Variants in CRISP2 observed in about 807,000 individuals in gnomAD.
The protein encoded by CRISP2 is cysteine-rich secretory protein 2.
CRISP2 carries 29 observed loss-of-function variants against 31.7 expected under a neutral mutation model. That is an observed-to-expected ratio of 0.92 (90% CI 0.68 to 1.25). The LOEUF is 1.25. Among genes scored for constraint, CRISP2 ranks in the 50% most tolerant of loss-of-function variants. CRISP2 has a pLI of 0.00. For missense variants in CRISP2, 318 were observed against 286.5 expected, an observed-to-expected ratio of 1.11 and a Z score of -0.79; for synonymous variants, 111 against 101.4, an observed-to-expected ratio of 1.09 and a Z score of -0.57.
At chr6:49,682,466 ATCCC>A in the CRISP2 span, among the ~76,000 whole-genome samples, 5 of 44,150 alleles carry the variant, frequency 1.1e-4, no homozygotes, top group Non-Finnish European at 2.0e-4. Context: ...CTTCTTCCCC[ATCCC>A]TCCCTCCCTC....
At position 49,713,525 on chromosome 6, in the gene CRISP2, T is replaced by C. The variant is rs903503555; in HGVS notation, c.-201A>G. Reference sequence around the variant, plus strand: ...CCTTCCTGCAGTTGGGCCGGCGCGTTGCGGCGTTGAGGAGCTGCGGCGCGC... The same window carrying C: ...CCTTCCTGCAGTTGGGCCGGCGCGTCGCGGCGTTGAGGAGCTGCGGCGCGC... On this transcript the variant is annotated 5_prime_UTR_variant, in exon 1 of 10. Transcript: ENST00000339139. 5.3e-5 allele frequency: 8 copies of C among 152,292 alleles called. No individual in the cohort carries two copies. The highest frequency in any genetic ancestry group is 3.3e-4 in the Admixed American group (5 of 15,280). The allele number at this position is 152,292 out of a possible 1,614,324, so 9.4% of individuals were successfully genotyped here.
chr6:49,710,010 C>T (rs1395975367), intron 3 of CRISP2, among the ~76,000 whole-genome samples: 2 of 152,160 alleles, frequency 1.3e-5, no homozygotes, highest in African/African-American at 2.4e-5. Flanking sequence ...AAACACTCAC[C>T]TTTCTGTCAT....
At chr6:49,689,164 C>G (rs937059695), downstream of CRISP2, among the ~76,000 whole-genome samples, 2 of 152,064 alleles carry the variant, frequency 1.3e-5, no homozygotes, top group Admixed American at 1.3e-4. Flanking sequence ...CCACTGTGCC[C>G]AGCCTGGATT....
At position 49,692,794 on chromosome 6, in the gene CRISP2, T is replaced by A. The variant is rs1471327052; in HGVS notation, c.711A>T (p.Leu237=). Residue 237 remains leucine (L), a synonymous_variant, in exon 10 of 10, where the codon CTA becomes CTT. Coordinates refer to ENST00000339139, the MANE Select transcript of CRISP2 (RefSeq NM_003296.4). Reference sequence around the variant, plus strand: ...TAAATCAGTAAATTTTGTTCTCACATAGGCAAGTAGCCTTGCACTTTTCCT... The same window carrying A: ...TAAATCAGTAAATTTTGTTCTCACAAAGGCAAGTAGCCTTGCACTTTTCCT... The part of the protein sequence containing the change: ...LLKEKCKATC[L]CENKIY The A allele has an allele frequency of 1.9e-6, 3 of 1,613,326 alleles. No homozygotes were observed. Among genetic ancestry groups the A allele is most frequent in the Non-Finnish European group, 2.5e-6 (3 of 1,179,444 alleles).
downstream of CRISP2, among the ~76,000 whole-genome samples, chr6:49,688,572 C>T (rs142423160): frequency 4.6e-5 from 7 of 152,094 alleles, no homozygotes; most frequent in East Asian, 1.9e-4. Context: ...GAAAATATTC[C>T]GAAAACAGAT....
the CRISP2 span, among the ~76,000 whole-genome samples, chr6:49,678,667 A>C: frequency 6.6e-6 from 1 of 152,074 alleles, no homozygotes; most frequent in Non-Finnish European, 1.5e-5. Context: ...CTCTAGCCTG[A>C]TGCACTCATG....
chr6:49,698,914 T>C (rs970796484), intron 6 of CRISP2, among the ~76,000 whole-genome samples: 1 of 152,132 alleles, frequency 6.6e-6, no homozygotes, highest in African/African-American at 2.4e-5. Context: ...AATAAATGTA[T>C]AAGACTTTGT....
intron 4 of CRISP2, among the ~76,000 whole-genome samples, chr6:49,708,183 G>C (rs935155755): frequency 2.6e-5 from 4 of 152,070 alleles, no homozygotes; most frequent in African/African-American, 7.2e-5. Flanking sequence ...AAATAGATTG[G>C]AGCAAGAGGA....
intron 9 of CRISP2, among the ~76,000 whole-genome samples, chr6:49,693,123 C>T (rs1764191393): frequency 6.6e-6 from 1 of 152,028 alleles, no homozygotes; most frequent in Non-Finnish European, 1.5e-5. Context: ...TATGAGGTGT[C>T]TTAGTTGAGC....
intron 8 of CRISP2, 57 bp from the exon 9 acceptor site, chr6:49,695,981 C>T: frequency 9.3e-7 from 1 of 1,078,136 alleles, no homozygotes; most frequent in Non-Finnish European, 1.4e-6. Context: ...ACTCTAAGGG[C>T]AGTATCAGTC....
At chr6:49,702,164 T>TATATGTGTAC (rs1766167284) in intron 4 of CRISP2, among the ~76,000 whole-genome samples, 1 of 120,862 alleles carries the variant, frequency 8.3e-6, no homozygotes, top group African/African-American at 2.9e-5. Context: ...TATATATATA[T>TATATGTGTAC]ATATATATAT....
At chr6:49,686,268 C>T in the CRISP2 span, among the ~76,000 whole-genome samples, 3 of 152,012 alleles carry the variant, frequency 2.0e-5, no homozygotes, top group Non-Finnish European at 4.4e-5. Flanking sequence ...ATTTAACCTG[C>T]CTTTTGTGTA....
At chr6:49,702,417 A>G (rs1256439158) in intron 4 of CRISP2, among the ~76,000 whole-genome samples, 3 of 151,708 alleles carry the variant, frequency 2.0e-5, no homozygotes, top group Non-Finnish European at 4.4e-5. Context: ...AATAGCTTAC[A>G]TTCCCACCAG....
At chr6:49,681,111 G>T in the CRISP2 span, among the ~76,000 whole-genome samples, 2 of 152,098 alleles carry the variant, frequency 1.3e-5, no homozygotes, top group East Asian at 3.9e-4. Context: ...GTCTTCCAGA[G>T]TTTTTATAGT....
At chr6:49,690,486 C>T (rs1286509961), downstream of CRISP2, among the ~76,000 whole-genome samples, 1 of 151,852 alleles carries the variant, frequency 6.6e-6, no homozygotes, top group Non-Finnish European at 1.5e-5. Flanking sequence ...GGCTGAGGCA[C>T]AATCAAATGA....
the CRISP2 span, among the ~76,000 whole-genome samples, chr6:49,683,694 A>AAAAAAAATATATATATAT: frequency 3.2e-4 from 2 of 6,180 alleles, no homozygotes; most frequent in Non-Finnish European, 7.6e-4. Flanking sequence ...AAAAAAAAAA[A>AAAAAAAATATATATATAT]ATATATATAT....
downstream of CRISP2, among the ~76,000 whole-genome samples, chr6:49,688,152 C>T (rs1288604221): frequency 1.3e-5 from 2 of 152,168 alleles, no homozygotes; most frequent in Non-Finnish European, 2.9e-5. Context: ...CAAGCAAAGT[C>T]TTACTGTTCA....
chr6:49,695,365 AC>A (rs1764567434), intron 9 of CRISP2, among the ~76,000 whole-genome samples: 1 of 152,194 alleles, frequency 6.6e-6, no homozygotes. Flanking sequence ...TCCTAATTAT[AC>A]TATAAAAAAG....
intron 4 of CRISP2, among the ~76,000 whole-genome samples, chr6:49,707,058 C>T (rs539524473): frequency 6.6e-6 from 1 of 152,188 alleles, no homozygotes; most frequent in South Asian, 2.1e-4. Flanking sequence ...AAGTTAATTT[C>T]TAAATTATTT....
Sources: allele counts gnomAD v4.1 joint callset (sites outside exome capture counted in the v4.1 genomes callset), GRCh38; gene constraint gnomAD v4.1.1; transcripts MANE v1.5; gene names NCBI Gene and HGNC (gene_info 2026-07-23, HGNC 2026-07-21).